HYAL2: variants seen among roughly 807,000 people sequenced by gnomAD.
HYAL2 encodes the protein hyaluronidase-2.
A neutral mutation model predicts 35.4 loss-of-function variants in HYAL2; 30 were observed. The observed-to-expected ratio is 0.85, with a 90% confidence interval of 0.63 to 1.15. HYAL2 has a LOEUF of 1.15. HYAL2 is among the 50% of genes most tolerant of loss of function. The pLI is 0.00. For synonymous variants in HYAL2, 262 were observed against 252.8 expected (o/e 1.04, Z -0.34); for missense variants, 635 against 646.5 (o/e 0.98, Z 0.19).
In HYAL2 at chr3:50,319,563, A is replaced by G. The variant is rs974646034; in HGVS notation, c.921+6T>C. Reference sequence around the variant, plus strand: ...AGAAAAAAGGCAGGGCCCTGGAGACACATACCTCACTAAGCCCCGTGAGCC... The same window carrying G: ...AGAAAAAAGGCAGGGCCCTGGAGACGCATACCTCACTAAGCCCCGTGAGCC... On this transcript the variant is annotated splice_donor_region_variant and intron_variant, in intron 2 of 3. Coordinates refer to ENST00000357750, the MANE Select transcript of HYAL2 (RefSeq NM_003773.5). 2 of 1,606,344 alleles carry G rather than the reference A, an allele frequency of 1.2e-6. No individual in the cohort carries two copies. Among genetic ancestry groups the G allele is most frequent in the East Asian group, 4.5e-5 (2 of 44,678 alleles).
In HYAL2 at chr3:50,319,135, CCTG is replaced by C. The variant is rs1575529823; in HGVS notation, c.922-93_922-91del. The C allele has an allele frequency of 9.5e-6, 8 of 844,164 alleles. No homozygotes were observed. The East Asian group carries it at 2.1e-4, about 22-fold the overall frequency. 52.3% of individuals were successfully genotyped at this position (844,164 alleles called of 1,614,324 possible). ...GAGGGCAGACCCCAGCCTGATTCAA[CCTG>C]CTGAACTCCCAGCTCAACCCCCATT... On this transcript the variant is annotated intron_variant, in intron 2 of 3. Coordinates refer to ENST00000357750, the MANE Select transcript of HYAL2 (RefSeq NM_003773.5).
chr3:50,318,124 G>A lies in HYAL2; in HGVS notation c.*5C>T. On this transcript the variant is annotated 3_prime_UTR_variant, in exon 4 of 4. Coordinates refer to ENST00000357750, the MANE Select transcript of HYAL2 (RefSeq NM_003773.5). The surrounding 1 kb of genome is among the most constrained non-coding windows in gnomAD (Gnocchi z 4.5). ...CAGCTTGCTAGGCAGCTAGGCAGGAGACCCCTACAAGGTCCAGGTAAAGGC... is the reference window on the plus strand; with the variant it reads ...CAGCTTGCTAGGCAGCTAGGCAGGAAACCCCTACAAGGTCCAGGTAAAGGC... The A allele has an allele frequency of 6.5e-7, 1 of 1,545,336 alleles. No individual in the cohort carries two copies. The highest frequency in any genetic ancestry group is 1.4e-5 in the African/African-American group (1 of 73,274).
chr3:50,320,607 C>G lies in HYAL2; in HGVS notation c.-46-72G>C. On this transcript the variant is annotated intron_variant, in intron 1 of 3. Coordinates refer to ENST00000357750, the MANE Select transcript of HYAL2 (RefSeq NM_003773.5). This position sits in a 1 kb window ranked among gnomAD's most constrained non-coding sequence, Gnocchi z 4.8. ...AGTGCCCACCTCAAGCCCATCTATGCTCCCAAAGCCCATGCTGTGTGGGGG... is the reference window on the plus strand; with the variant it reads ...AGTGCCCACCTCAAGCCCATCTATGGTCCCAAAGCCCATGCTGTGTGGGGG... The G allele has an allele frequency of 1.1e-6, 1 of 943,794 alleles. No individual in the cohort carries two copies. The highest frequency in any genetic ancestry group is 1.5e-6 in the Non-Finnish European group (1 of 652,192). The allele number at this position is 943,794 out of a possible 1,614,324, so 58.5% of individuals were successfully genotyped here.
rs587644095 is a variant in HYAL2, at chr3:50,320,267, T to C, written c.223A>G (p.Ile75Val). 6 of 1,614,046 alleles carry C rather than the reference T, an allele frequency of 3.7e-6. No individual in the cohort carries two copies. In the East Asian group the frequency reaches 1.3e-4, roughly 36 times the overall value. ...AGACGGTCGCGGTAGAAGATGGTAA[T>C]ATTCTGGTTCACAAAACCCTCATTA... Reference protein sequence around the residue: ...SPNEGFVNQNITIFYRDRLGL... With the variant: ...SPNEGFVNQNVTIFYRDRLGL... The change falls in exon 2 of 4, where the codon ATT becomes GTT. Residue 75 changes from isoleucine (I) to valine (V), a missense_variant. Transcript: ENST00000357750. The surrounding 1 kb of genome is among the most constrained non-coding windows in gnomAD (Gnocchi z 4.8).
rs370951040 is a variant in HYAL2 at position 50,320,699 on chromosome 3, G to A, written c.-46-164C>T. 4 of 525,590 alleles carry A rather than the reference G, an allele frequency of 7.6e-6. No individual in the cohort carries two copies. The highest frequency in any genetic ancestry group is 1.3e-5 in the Non-Finnish European group (4 of 302,260). The allele number at this position is 525,590 out of a possible 1,614,324, so 32.6% of individuals were successfully genotyped here. ...CACTGCAGGGCAGACAAGGCACCCT[G>A]GGAACTCACTGCCAGAAGCACAGGG... On this transcript the variant is annotated intron_variant, in intron 1 of 3. Transcript: ENST00000357750. The surrounding 1 kb of genome is among the most constrained non-coding windows in gnomAD (Gnocchi z 4.8).
In HYAL2 at chr3:50,320,531, A is replaced by G; in HGVS notation, c.-42T>C. The G allele has an allele frequency of 6.8e-7, 1 of 1,470,548 alleles. No individual in the cohort carries two copies. Among genetic ancestry groups the G allele is most frequent in the South Asian group, 1.4e-5 (1 of 71,938 alleles). The allele number at this position is 1,470,548 out of a possible 1,614,324, so 91.1% of individuals were successfully genotyped here. A position where few individuals can be genotyped will look rare whatever the true frequency, so the allele number is the denominator to read the frequency against. The stretch of plus-strand genomic sequence containing the variant: ...GGTGTCACCTGCCTGGCACCAGCTC[A>G]GGAACTGGAAGAAGGGTTGGGGAGA... On this transcript the variant is annotated 5_prime_UTR_variant, in exon 2 of 4. Coordinates refer to ENST00000357750, the MANE Select transcript of HYAL2 (RefSeq NM_003773.5). The surrounding 1 kb of genome is among the most constrained non-coding windows in gnomAD (Gnocchi z 4.8).
chr3:50,319,799 C>A lies in HYAL2; in HGVS notation c.691G>T (p.Glu231Ter). 6.2e-7 allele frequency: 1 copy of A among 1,613,826 alleles called. No homozygotes were observed. ...GCCAGCTGGTCATTGCGGGCCACCT[C>A]AACATCAGGGCAGCGGCCTGTGTAG... ...ESYTGRCPDV[E>*]VARNDQLAWL... The change falls in exon 2 of 4, where the codon GAG becomes TAG. Residue 231 changes from glutamate (E) to a stop codon, truncating the protein, a stop_gained. Coordinates refer to ENST00000357750, the MANE Select transcript of HYAL2 (RefSeq NM_003773.5). LOFTEE classifies it high-confidence loss of function.
chr3:50,319,686 C>T lies in HYAL2; in HGVS notation c.804G>A (p.Val268=), dbSNP rs781793288. 20 of 1,613,842 alleles carry T rather than the reference C, an allele frequency of 1.2e-5. No homozygotes were observed. In the South Asian group the frequency reaches 2.2e-4, roughly 18 times the overall value. ...GAAGGGCCTCCTGAACACGGAAGCTCACAAAGTTGCGGCCATGGCGGGAGG... is the reference window on the plus strand; with the variant it reads ...GAAGGGCCTCCTGAACACGGAAGCTTACAAAGTTGCGGCCATGGCGGGAGG... ...LASSRHGRNF[V]SFRVQEALRV... The change falls in exon 2 of 4, where the codon GTG becomes GTA. Residue 268 remains valine, a synonymous_variant. Transcript: ENST00000357750.
In HYAL2 at chr3:50,320,997, C is replaced by T. The variant is rs1385933924; in HGVS notation, c.-46-462G>A. 1 of 153,080 alleles carries T rather than the reference C, an allele frequency of 6.5e-6. No homozygotes were observed. The highest frequency in any genetic ancestry group is 2.4e-5 in the African/African-American group (1 of 41,482). The allele number at this position is 153,080 out of a possible 1,614,324, so 9.5% of individuals were successfully genotyped here. On this transcript the variant is annotated intron_variant, in intron 1 of 3. Transcript: ENST00000357750. This position sits in a 1 kb window ranked among gnomAD's most constrained non-coding sequence, Gnocchi z 4.8. ...GGAACGCTGCCGGGAGGCTTCTATC[C>T]GTGTAACACTCGCCCGGCAGAAGAG...
rs1702720373 is a variant in HYAL2, at chr3:50,322,472, G to A, written c.-47+181C>T. On this transcript the variant is annotated intron_variant, in intron 1 of 3. Coordinates refer to ENST00000357750, the MANE Select transcript of HYAL2 (RefSeq NM_003773.5). This position sits in a 1 kb window ranked among gnomAD's most constrained non-coding sequence, Gnocchi z 5.5. ...GTGGGGGGCAGGCTTAGACCCTGGC[G>A]AGCCCCGTGCGAAACCACCTCGGCT... The A allele has an allele frequency of 6.6e-6, 1 of 152,228 alleles. No homozygotes were observed. Among genetic ancestry groups the A allele is most frequent in the African/African-American group, 2.4e-5 (1 of 41,438 alleles). The allele number at this position is 152,228 out of a possible 1,614,324, so 9.4% of individuals were successfully genotyped here. A position where few individuals can be genotyped will look rare whatever the true frequency, so the allele number is the denominator to read the frequency against.
chr3:50,319,714 G>GC lies in HYAL2; in HGVS notation c.775dup (p.Ala259GlyfsTer48). The GC allele has an allele frequency of 6.2e-7, 1 of 1,613,864 alleles. No homozygotes were observed. Among genetic ancestry groups the GC allele is most frequent in the Non-Finnish European group, 8.5e-7 (1 of 1,180,046 alleles). On this transcript the variant is annotated frameshift_variant, in exon 2 of 4. Transcript: ENST00000357750. LOFTEE classifies it high-confidence loss of function. Reference sequence around the variant, plus strand: ...AAAGTTGCGGCCATGGCGGGAGGAAGCAAGTGTCTCGTCCAGGTAGACAGA... The same window carrying GC: ...AAAGTTGCGGCCATGGCGGGAGGAAGCCAAGTGTCTCGTCCAGGTAGACAGA...
At position 50,320,015 on chromosome 3, in the gene HYAL2, C is replaced by A. The variant is rs1702650153; in HGVS notation, c.475G>T (p.Val159Leu). The A allele has an allele frequency of 6.2e-7, 1 of 1,613,358 alleles. No individual in the cohort carries two copies. Among genetic ancestry groups the A allele is most frequent in the Non-Finnish European group, 8.5e-7 (1 of 1,180,042 alleles). Residue 159 changes from valine (V) to leucine (L), a missense_variant, in exon 2 of 4, where the codon GTG becomes TTG. Physicochemically the swap from Val to Leu is conservative, Grantham distance 32. Transcript: ENST00000357750. The surrounding 1 kb of genome is among the most constrained non-coding windows in gnomAD (Gnocchi z 4.8). ...DVYRRLSRQL[V>L]ASRHPDWPPD... ...GGCCAGTCAGGGTGACGACTGGCCA[C>A]TAGCTGGCGTGATAACCGGCGATAC...
rs1257378310 is a variant in HYAL2, at chr3:50,322,241, T to G, written c.-47+412A>C. The G allele has an allele frequency of 6.6e-6, 1 of 152,162 alleles. No individual in the cohort carries two copies. The highest frequency in any genetic ancestry group is 6.5e-5 in the Admixed American group (1 of 15,286). The allele number at this position is 152,162 out of a possible 1,614,324, so 9.4% of individuals were successfully genotyped here. On this transcript the variant is annotated intron_variant, in intron 1 of 3. Coordinates refer to ENST00000357750, the MANE Select transcript of HYAL2 (RefSeq NM_003773.5). The surrounding 1 kb of genome is among the most constrained non-coding windows in gnomAD (Gnocchi z 5.5). Reference sequence around the variant, plus strand: ...TGGCCGCCCCTCTCCCTGACTCGCATCAGGGCGGGACAGTCATCCCTGAGA... The same window carrying G: ...TGGCCGCCCCTCTCCCTGACTCGCAGCAGGGCGGGACAGTCATCCCTGAGA...
In HYAL2 at chr3:50,320,025, T is replaced by A; in HGVS notation, c.465A>T (p.Ser155=). The change falls in exon 2 of 4, where the codon TCA becomes TCT. Residue 155 remains serine, a synonymous_variant. Coordinates refer to ENST00000357750, the MANE Select transcript of HYAL2 (RefSeq NM_003773.5). The surrounding 1 kb of genome is among the most constrained non-coding windows in gnomAD (Gnocchi z 4.8). ...GGTGACGACTGGCCACTAGCTGGCG[T>A]GATAACCGGCGATACACATCTTTGT... The part of the protein sequence containing the change: ...WQDKDVYRRL[S]RQLVASRHPD... The A allele has an allele frequency of 6.2e-7, 1 of 1,613,364 alleles. No individual in the cohort carries two copies. Among genetic ancestry groups the A allele is most frequent in the Non-Finnish European group, 8.5e-7 (1 of 1,180,038 alleles).
chr3:50,320,429 T>C lies in HYAL2; in HGVS notation c.61A>G (p.Met21Val), dbSNP rs782402304. ...GGTGGTGCTGTGGGCTTGAGCTCCATGGCCCATGACACCGCCAGCACCAGG... is the reference window on the plus strand; with the variant it reads ...GGTGGTGCTGTGGGCTTGAGCTCCACGGCCCATGACACCGCCAGCACCAGG... The part of the protein sequence containing the change: ...LALVLAVSWA[M>V]ELKPTAPPIF... Residue 21 changes from methionine to valine, a missense_variant, in exon 2 of 4, where the codon ATG (methionine) becomes GTG (valine). By Grantham distance (21) the Met-to-Val change is conservative. Transcript: ENST00000357750. This position sits in a 1 kb window ranked among gnomAD's most constrained non-coding sequence, Gnocchi z 4.8. 18 of 1,596,620 alleles carry C rather than the reference T, an allele frequency of 1.1e-5. No homozygotes were observed. Among genetic ancestry groups the C allele is most frequent in the Non-Finnish European group, 1.5e-5 (17 of 1,170,126 alleles).
At position 50,320,410 on chromosome 3, in the gene HYAL2, G is replaced by A; in HGVS notation, c.80C>T (p.Ala27Val). 1 of 1,607,702 alleles carries A rather than the reference G, an allele frequency of 6.2e-7. No individual in the cohort carries two copies. The highest frequency in any genetic ancestry group is 8.5e-7 in the Non-Finnish European group (1 of 1,176,422). ...GGGCCGGCCAGTGAAGATGGGTGGT[G>A]CTGTGGGCTTGAGCTCCATGGCCCA... ...VSWAMELKPT[A>V]PPIFTGRPFV... The change falls in exon 2 of 4, where the codon GCA (alanine) becomes GTA (valine). Residue 27 changes from alanine to valine, a missense_variant. Ala to Val is a moderately conservative substitution (Grantham distance 64). Coordinates refer to ENST00000357750, the MANE Select transcript of HYAL2 (RefSeq NM_003773.5). The surrounding 1 kb of genome is among the most constrained non-coding windows in gnomAD (Gnocchi z 4.8).
intron 2 of HYAL2, among the ~76,000 whole-genome samples, 165 bp downstream of exon 2, chr3:50,319,404 A>T (rs1184347592): frequency 2.0e-5 from 3 of 152,220 alleles, no homozygotes; most frequent in African/African-American, 4.8e-5. Context: ...CATCTGAAAA[A>T]TGGGGATAAT....
chr3:50,319,572 A>G lies in HYAL2; in HGVS notation c.918T>C (p.Ser306=). The change falls in exon 2 of 4, where the codon AGT becomes AGC. Residue 306 remains serine (S), a synonymous_variant. Transcript: ENST00000357750. ...PTYSRRLTGL[S]EMDLISTIGE... ...GCAGGGCCCTGGAGACACATACCTC[A>G]CTAAGCCCCGTGAGCCTGCGGCTGT... 6.2e-7 allele frequency: 1 copy of G among 1,609,592 alleles called. No individual in the cohort carries two copies. Among genetic ancestry groups the G allele is most frequent in the Non-Finnish European group, 8.5e-7 (1 of 1,177,134 alleles).
rs1251807205 is a variant in HYAL2, at chr3:50,320,418, C to T, written c.72G>A (p.Lys24=). The change falls in exon 2 of 4, where the codon AAG becomes AAA. Residue 24 remains lysine (K), a synonymous_variant. Transcript: ENST00000357750. The surrounding 1 kb of genome is among the most constrained non-coding windows in gnomAD (Gnocchi z 4.8). ...VLAVSWAMEL[K]PTAPPIFTGR... is the part of the protein sequence containing the mutation. ...CAGTGAAGATGGGTGGTGCTGTGGG[C>T]TTGAGCTCCATGGCCCATGACACCG... 5 of 1,603,398 alleles carry T rather than the reference C, an allele frequency of 3.1e-6. No homozygotes were observed. The highest frequency in any genetic ancestry group is 4.5e-5 in the East Asian group (2 of 44,802).
Sources: gnomAD v4.1 joint callset for allele counts (sites outside exome capture counted in the v4.1 genomes callset) on GRCh38, gnomAD v4.1.1 for gene constraint, Gnocchi (gnomAD v3.1) non-coding constraint, MANE v1.5 for transcripts, NCBI Gene and HGNC (gene_info 2026-07-23, HGNC 2026-07-21) for gene names.